The following CA12 variants were observed in gnomAD, a reference collection of about 807,000 sequenced individuals.
CA12 encodes carbonate dehydratase XII.
In CA12, 36 loss-of-function variants were observed where a neutral mutation model predicts 46.8. That is an observed-to-expected ratio of 0.77 (90% CI 0.59 to 1.02). The LOEUF is 1.02. Ranked by LOEUF, CA12 falls within the 50% of genes least tolerant of loss-of-function variation. The pLI is 0.00. For missense variants in CA12, 436 were observed against 451.4 expected (o/e 0.97, Z 0.31); for synonymous variants, 202 against 187.0 (o/e 1.08, Z -0.65).
intron 8 of CA12, among the ~76,000 whole-genome samples, chr15:63,335,857 G>A (rs1182652059): frequency 6.6e-6 from 1 of 152,198 alleles, no homozygotes; most frequent in Non-Finnish European, 1.5e-5. Context: ...TCCGAGCTGG[G>A]TAAGAAAGGC....
rs1022542956 is a variant in CA12, at chr15:63,327,937, C to A, written c.907+161G>T. ...GAGGAACATTTGATTGGCAGTTCAT[C>A]TTTGAATCACAGAGCGACTTGAGGG... On this transcript the variant is annotated intron_variant, in intron 9 of 10. Coordinates refer to ENST00000178638, the MANE Select transcript of CA12 (RefSeq NM_001218.5). This position sits in a 1 kb window ranked among gnomAD's most constrained non-coding sequence, Gnocchi z 4.5. Among the ~76,000 whole-genome samples, 133 of 152,200 alleles carry A rather than the reference C, an allele frequency of 8.7e-4. No homozygotes were observed. Among genetic ancestry groups the A allele is most frequent in the African/African-American group, 3.1e-3 (130 of 41,448 alleles).
chr15:63,361,455 G>A (rs2039362476), intron 2 of CA12, among the ~76,000 whole-genome samples: 1 of 152,140 alleles, frequency 6.6e-6, no homozygotes, highest in South Asian at 2.1e-4. Flanking sequence ...ATTTTCAGCT[G>A]TCACAACTTG....
rs1196517177 is a variant in CA12, at chr15:63,378,857, T to C, written c.85+2779A>G. 1.3e-5 allele frequency: 2 copies of C among 152,234 alleles called. No individual in the cohort carries two copies. The highest frequency in any genetic ancestry group is 2.1e-4 in the South Asian group (1 of 4,828). 9.4% of individuals were successfully genotyped at this position (152,234 alleles called of 1,614,324 possible). ...CCTGAGGAGGCACAGGCCACTCCAG[T>C]GATCCTGGAGGCCACTAGAAACACA... On this transcript the variant is annotated intron_variant, in intron 1 of 10. Coordinates refer to ENST00000178638, the MANE Select transcript of CA12 (RefSeq NM_001218.5). This position sits in a 1 kb window ranked among gnomAD's most constrained non-coding sequence, Gnocchi z 4.8.
intron 10 of CA12, among the ~76,000 whole-genome samples, chr15:63,326,754 T>C (rs2038872366): frequency 6.6e-6 from 1 of 152,216 alleles, no homozygotes; most frequent in South Asian, 2.1e-4. Flanking sequence ...AGAGTTAATG[T>C]GAGTGAGAGA....
intron 8 of CA12, among the ~76,000 whole-genome samples, chr15:63,334,679 A>G (rs1361072396): frequency 6.6e-6 from 1 of 152,160 alleles, no homozygotes; most frequent in East Asian, 1.9e-4. Flanking sequence ...AAACTCATAC[A>G]AAAGGGAGAG....
chr15:63,363,823 AGGGATGG>A (rs2039397383), intron 2 of CA12, among the ~76,000 whole-genome samples: 1 of 152,218 alleles, frequency 6.6e-6, no homozygotes, highest in African/African-American at 2.4e-5. Flanking sequence ...AGTCTGACCA[AGGGATGG>A]GTCGCTCCCT....
At position 63,322,056 on chromosome 15, in the gene CA12, G is replaced by C. The variant is rs532724847; in HGVS notation, c.*4229C>G. The C allele has an allele frequency of 1.3e-5, 2 of 152,336 alleles. No individual in the cohort carries two copies. The highest frequency in any genetic ancestry group is 6.5e-5 in the Admixed American group (1 of 15,306). 9.4% of individuals were successfully genotyped at this position (152,336 alleles called of 1,614,324 possible). A position where few individuals can be genotyped will look rare whatever the true frequency, so the allele number is the denominator to read the frequency against. Reference sequence around the variant, plus strand: ...TCTGCGCAGGGCATGGATCTTGAGCGCTTGGAATGTGACTTAACTGAGAAA... The same window carrying C: ...TCTGCGCAGGGCATGGATCTTGAGCCCTTGGAATGTGACTTAACTGAGAAA... On this transcript the variant is annotated 3_prime_UTR_variant, in exon 11 of 11. Transcript: ENST00000178638. The surrounding 1 kb of genome is among the most constrained non-coding windows in gnomAD (Gnocchi z 4.1).
rs1386430013 is a variant in CA12 at position 63,328,351 on chromosome 15, T to A, written c.875-221A>T. Among the ~76,000 whole-genome samples the A allele has an allele frequency of 6.6e-6, 1 of 151,784 alleles. No homozygotes were observed. Among genetic ancestry groups the A allele is most frequent in the Non-Finnish European group, 1.5e-5 (1 of 67,928 alleles). ...CTTCCGATGCTCCTTTTTTTTTTTT[T>A]TTTGAGATGGAATCTCGCTCTGCCG... is the stretch of plus-strand genomic sequence containing the variant. On this transcript the variant is annotated intron_variant, in intron 8 of 10. Coordinates refer to ENST00000178638, the MANE Select transcript of CA12 (RefSeq NM_001218.5). The surrounding 1 kb of genome is among the most constrained non-coding windows in gnomAD (Gnocchi z 5.9).
intron 8 of CA12, among the ~76,000 whole-genome samples, chr15:63,332,666 G>T (rs866605157): frequency 6.6e-6 from 1 of 152,190 alleles, no homozygotes; most frequent in Non-Finnish European, 1.5e-5. Flanking sequence ...AGTTCTGATC[G>T]TTAATCTCTC....
In CA12 at chr15:63,345,458, G is replaced by C. The variant is rs769832705; in HGVS notation, c.429+19C>G. On this transcript the variant is annotated intron_variant, in intron 4 of 10. Coordinates refer to ENST00000178638, the MANE Select transcript of CA12 (RefSeq NM_001218.5). This position sits in a 1 kb window ranked among gnomAD's most constrained non-coding sequence, Gnocchi z 4.3. Reference sequence around the variant, plus strand: ...ACCCACTGCAGAGCAGCCTCTGCCAGACTGGCAGCCCTACTTACCTCGGCG... The same window carrying C: ...ACCCACTGCAGAGCAGCCTCTGCCACACTGGCAGCCCTACTTACCTCGGCG... 1 of 1,603,674 alleles carries C rather than the reference G, an allele frequency of 6.2e-7. No individual in the cohort carries two copies. Among genetic ancestry groups the C allele is most frequent in the Non-Finnish European group, 8.5e-7 (1 of 1,179,918 alleles).
At position 63,339,778 on chromosome 15, in the gene CA12, C is replaced by T. The variant is rs1476027401; in HGVS notation, c.747+510G>A. 2.0e-5 allele frequency among the ~76,000 whole-genome samples: 3 copies of T among 152,186 alleles called. No homozygotes were observed. The highest frequency in any genetic ancestry group is 1.3e-4 in the Admixed American group (2 of 15,286). ...TTGGGTCTCAGCTTTGTCACTAACC[C>T]GCGGGTGATCCCACAGACTTCTACT... On this transcript the variant is annotated intron_variant, in intron 7 of 10. Transcript: ENST00000178638. This position sits in a 1 kb window ranked among gnomAD's most constrained non-coding sequence, Gnocchi z 4.3.
chr15:63,361,232 G>A (rs1164279615), intron 2 of CA12, among the ~76,000 whole-genome samples: 1 of 152,252 alleles, frequency 6.6e-6, no homozygotes, highest in African/African-American at 2.4e-5. Context: ...CTGCTTCGAG[G>A]TGAGATGCTC....
chr15:63,370,459 GA>G (rs1296103948), intron 2 of CA12, among the ~76,000 whole-genome samples: 3 of 144,442 alleles, frequency 2.1e-5, no homozygotes, highest in East Asian at 2.0e-4. Context: ...AAAAAAAAAA[GA>G]AAAAAAGAAA....
chr15:63,377,093 G>A (rs1268859357), intron 1 of CA12, among the ~76,000 whole-genome samples: 3 of 152,130 alleles, frequency 2.0e-5, no homozygotes, highest in South Asian at 4.1e-4. Context: ...AATGTTCTTC[G>A]TTCCTATGTC....
chr15:63,347,448 A>G (rs2039165609), intron 2 of CA12, among the ~76,000 whole-genome samples: 1 of 152,218 alleles, frequency 6.6e-6, no homozygotes, highest in Admixed American at 6.5e-5. Flanking sequence ...CACAGAGTGA[A>G]GTGCAGAGTT....
chr15:63,342,130 T>C lies in CA12; in HGVS notation c.430-33A>G, dbSNP rs367613403. The C allele has an allele frequency of 5.2e-5, 69 of 1,332,852 alleles. No individual in the cohort carries two copies. The African/African-American group carries it at 6.3e-4, about 12-fold the overall frequency. The allele number at this position is 1,332,852 out of a possible 1,614,324, so 82.6% of individuals were successfully genotyped here. On this transcript the variant is annotated intron_variant, in intron 4 of 10. Coordinates refer to ENST00000178638, the MANE Select transcript of CA12 (RefSeq NM_001218.5). Reference sequence around the variant, plus strand: ...GGGGGAGAAGCCACCCATTAGGAGATAAGCGACTCATGGGAGCCTGTCGCT... The same window carrying C: ...GGGGGAGAAGCCACCCATTAGGAGACAAGCGACTCATGGGAGCCTGTCGCT...
intron 8 of CA12, among the ~76,000 whole-genome samples, chr15:63,334,337 C>T (rs1333580649): frequency 6.9e-6 from 1 of 143,906 alleles, no homozygotes; most frequent in African/African-American, 2.6e-5. Flanking sequence ...CTCACTGCAA[C>T]CTCTGCCTTC....
At chr15:63,346,348 C>A (rs936387142) in intron 3 of CA12, among the ~76,000 whole-genome samples, 182 bp downstream of exon 3, 1 of 152,162 alleles carries the variant, frequency 6.6e-6, no homozygotes, top group Non-Finnish European at 1.5e-5. Context: ...CCTCAGAGCC[C>A]AGAGCCTCCA....
Position 63,324,308 on chromosome 15 carries a change from T to C in CA12, c.*1977A>G, listed in dbSNP as rs989611423. ...CCCTTGTGCCAGGTACAATGGTCTC[T>C]CTGTTCTCTCACAAAACTCATCCAC... is the stretch of plus-strand genomic sequence containing the variant. On this transcript the variant is annotated 3_prime_UTR_variant, in exon 11 of 11. Transcript: ENST00000178638. 1 of 152,284 alleles carries C rather than the reference T, an allele frequency of 6.6e-6. No homozygotes were observed. The highest frequency in any genetic ancestry group is 2.4e-5 in the African/African-American group (1 of 41,468). The allele number at this position is 152,284 out of a possible 1,614,324, so 9.4% of individuals were successfully genotyped here.
Sources: gnomAD v4.1 joint callset for allele counts (sites outside exome capture counted in the v4.1 genomes callset) on GRCh38, gnomAD v4.1.1 for gene constraint, Gnocchi (gnomAD v3.1) non-coding constraint, MANE v1.5 for transcripts, NCBI Gene and HGNC (gene_info 2026-07-23, HGNC 2026-07-21) for gene names.